Variants in PPARGC1A observed in about 807,000 individuals in gnomAD.
The protein encoded by PPARGC1A is PPARG coactivator 1 alpha, also known as peroxisome proliferator-activated receptor gamma coactivator 1-alpha.
A neutral mutation model predicts 88.7 loss-of-function variants in PPARGC1A; 25 were observed. The ratio of observed to expected loss-of-function variants is 0.28; its 90% CI spans 0.21 to 0.39. The LOEUF (loss-of-function observed/expected upper bound fraction) is 0.39. PPARGC1A is among the 10% of genes least tolerant of loss of function. PPARGC1A has a pLI of 1.00. For missense variants in PPARGC1A, 880 were observed against 968.7 expected (o/e 0.91, Z 1.22); for synonymous variants, 363 against 355.6 (o/e 1.02, Z -0.24).
the PPARGC1A span, among the ~76,000 whole-genome samples, chr4:24,331,767 T>TATA: frequency 7.0e-6 from 1 of 143,616 alleles, no homozygotes; most frequent in Non-Finnish European, 1.5e-5. Context: ...TGTGTTTATT[T>TATA]TATATATATA....
chr4:23,984,471 A>G, the PPARGC1A span, among the ~76,000 whole-genome samples: 1 of 152,170 alleles, frequency 6.6e-6, no homozygotes, highest in South Asian at 2.1e-4. Context: ...AGGTTTCCGT[A>G]TCATGTGTGC....
the PPARGC1A span, among the ~76,000 whole-genome samples, chr4:24,087,637 A>T: frequency 1.3e-5 from 2 of 152,220 alleles, no homozygotes; most frequent in Non-Finnish European, 2.9e-5. Context: ...GAAGCCAGTG[A>T]TCAGGCTAAG....
At chr4:23,989,892 A>G in the PPARGC1A span, among the ~76,000 whole-genome samples, 1 of 150,864 alleles carries the variant, frequency 6.6e-6, no homozygotes, top group African/African-American at 2.4e-5. Flanking sequence ...TCCCCACCCC[A>G]AAAGGCAAAA....
At chr4:24,392,857 C>T in the PPARGC1A span, among the ~76,000 whole-genome samples, 1 of 152,036 alleles carries the variant, frequency 6.6e-6, no homozygotes, top group Non-Finnish European at 1.5e-5. Flanking sequence ...CAGGACTGCT[C>T]GAGTATAAAA....
chr4:24,049,581 C>T, the PPARGC1A span, among the ~76,000 whole-genome samples: 1 of 151,978 alleles, frequency 6.6e-6, no homozygotes. Context: ...TTGTATTACA[C>T]ATGCTTTACT....
At chr4:24,456,792 A>G in the PPARGC1A span, among the ~76,000 whole-genome samples, 1 of 152,032 alleles carries the variant, frequency 6.6e-6, no homozygotes, top group African/African-American at 2.4e-5. Flanking sequence ...GTATAACCAG[A>G]TATGGTTACA....
At chr4:24,121,705 G>A in the PPARGC1A span, among the ~76,000 whole-genome samples, 1 of 152,146 alleles carries the variant, frequency 6.6e-6, no homozygotes, top group Non-Finnish European at 1.5e-5. Context: ...GCCTTACGTG[G>A]GAGGGGAACA....
At chr4:24,422,470 G>C in the PPARGC1A span, among the ~76,000 whole-genome samples, 1 of 152,078 alleles carries the variant, frequency 6.6e-6, no homozygotes, top group African/African-American at 2.4e-5. Flanking sequence ...CCCATGACCA[G>C]ATCTGCCTAA....
chr4:24,257,900 T>G, the PPARGC1A span, among the ~76,000 whole-genome samples: 1 of 152,128 alleles, frequency 6.6e-6, no homozygotes, highest in South Asian at 2.1e-4. Flanking sequence ...TATATTTATA[T>G]CCATGGTTCA....
chr4:24,134,385 C>G, the PPARGC1A span, among the ~76,000 whole-genome samples: 1 of 152,196 alleles, frequency 6.6e-6, no homozygotes, highest in East Asian at 1.9e-4. Flanking sequence ...GTTTACAAAT[C>G]AACCCAGTCA....
chr4:23,799,997 T>C (rs1049313790), intron 12 of PPARGC1A, among the ~76,000 whole-genome samples: 11 of 152,230 alleles, frequency 7.2e-5, no homozygotes, highest in African/African-American at 2.7e-4. Flanking sequence ...GCTATCTCTC[T>C]AACAGTCAGC....
chr4:24,447,045 C>T, the PPARGC1A span, among the ~76,000 whole-genome samples: 227 of 152,304 alleles, frequency 1.5e-3, no homozygotes, highest in Admixed American at 3.0e-3. Flanking sequence ...TACTCCAAGA[C>T]GGCCTTGCTC....
chr4:24,378,935 A>G, the PPARGC1A span, among the ~76,000 whole-genome samples: 2 of 152,212 alleles, frequency 1.3e-5, no homozygotes, highest in Admixed American at 6.5e-5. Flanking sequence ...GGGTTAATGG[A>G]GTTTTATTAT....
intron 11 of PPARGC1A, 73 bp from the exon 12 acceptor site, chr4:23,801,954 T>A (rs1297458728): frequency 1.9e-6 from 3 of 1,559,120 alleles, no homozygotes; most frequent in African/African-American, 1.4e-5. Flanking sequence ...CTTTCTACTT[T>A]GTGAGACTTC....
chr4:23,932,672 A>T, the PPARGC1A span, among the ~76,000 whole-genome samples: 1 of 152,150 alleles, frequency 6.6e-6, no homozygotes, highest in Admixed American at 6.5e-5. Context: ...GAAATAAAAA[A>T]CTGTATTTAG....
At chr4:23,913,267 T>TAGAGAG in the PPARGC1A span, among the ~76,000 whole-genome samples, 12 of 77,522 alleles carry the variant, frequency 1.5e-4, no homozygotes, top group South Asian at 4.9e-4. Flanking sequence ...TATATATATA[T>TAGAGAG]AGAGAGAGAG....
the PPARGC1A span, among the ~76,000 whole-genome samples, chr4:24,098,639 C>A: frequency 1.3e-5 from 2 of 152,174 alleles, no homozygotes; most frequent in Admixed American, 6.5e-5. Flanking sequence ...GCTGTCACTA[C>A]AAACATTATA....
chr4:24,215,755 G>A, the PPARGC1A span, among the ~76,000 whole-genome samples: 1 of 152,258 alleles, frequency 6.6e-6, no homozygotes, highest in African/African-American at 2.4e-5. Context: ...AGCTGTAGTG[G>A]GGAGATATCC....
the PPARGC1A span, among the ~76,000 whole-genome samples, chr4:24,325,022 A>T: frequency 1.1e-4 from 16 of 151,736 alleles, no homozygotes; most frequent in East Asian, 1.9e-4. Flanking sequence ...GCCCTCCCCC[A>T]CCTGCCCAGC....
Sources: gnomAD v4.1 joint callset for allele counts (sites outside exome capture counted in the v4.1 genomes callset) on GRCh38, gnomAD v4.1.1 for gene constraint, MANE v1.5 for transcripts, NCBI Gene and HGNC (gene_info 2026-07-23, HGNC 2026-07-21) for gene names.